POPDC3: variants seen among roughly 807,000 people sequenced by gnomAD.
POPDC3 encodes the protein popeye domain cAMP effector 3, also known as popeye domain-containing protein 3.
In POPDC3, 20 loss-of-function variants were observed where a neutral mutation model predicts 28.2. The observed-to-expected ratio is 0.71, with a 90% CI of 0.50 to 1.03. The LOEUF is 1.03. Among genes scored for constraint, POPDC3 ranks in the 50% least tolerant of loss-of-function variants. The pLI is 0.00. For missense variants in POPDC3, 316 were observed against 345.9 expected, an observed-to-expected ratio of 0.91 and a Z score of 0.69; for synonymous variants, 118 against 124.1, an observed-to-expected ratio of 0.95 and a Z score of 0.33.
At chr6:105,175,990 C>T (rs1774676569) in intron 1 of POPDC3, among the ~76,000 whole-genome samples, 1 of 152,150 alleles carries the variant, frequency 6.6e-6, no homozygotes, top group South Asian at 2.1e-4. Flanking sequence ...ATCTTGATCT[C>T]AAGATGTATT....
intron 1 of POPDC3, among the ~76,000 whole-genome samples, chr6:105,164,167 T>C (rs1254816945): frequency 1.3e-5 from 2 of 152,214 alleles, no homozygotes; most frequent in Non-Finnish European, 2.9e-5. Flanking sequence ...AAAGATTTGC[T>C]AGTGGAGCTC....
At chr6:105,163,137 A>G (rs914145652) in intron 1 of POPDC3, among the ~76,000 whole-genome samples, 1 of 152,248 alleles carries the variant, frequency 6.6e-6, no homozygotes, top group African/African-American at 2.4e-5. Flanking sequence ...GACTATGGAA[A>G]TATTTAATAA....
intron 1 of POPDC3, among the ~76,000 whole-genome samples, chr6:105,176,173 A>C: frequency 6.6e-6 from 1 of 152,254 alleles, no homozygotes; most frequent in East Asian, 1.9e-4. Context: ...ACTTTAGATA[A>C]ATTCAATTTA....
At chr6:105,176,481 G>C (rs1355055147) in intron 1 of POPDC3, among the ~76,000 whole-genome samples, 2 of 152,220 alleles carry the variant, frequency 1.3e-5, no homozygotes, top group Non-Finnish European at 2.9e-5. Flanking sequence ...AAAGTAGGGA[G>C]AAAGACTCAG....
In POPDC3 at chr6:105,159,698, TG is replaced by T; in HGVS notation, c.594+12del. On this transcript the variant is annotated intron_variant, in intron 3 of 3. Transcript: ENST00000254765. ...AAGAGGGAGTGCTAACTGTGTGTTCTGGTATCCCTTACCTGAAAAATGCCTT... is the reference window on the plus strand; with the variant it reads ...AAGAGGGAGTGCTAACTGTGTGTTCTGTATCCCTTACCTGAAAAATGCCTT... The T allele has an allele frequency of 6.9e-7, 1 of 1,457,170 alleles. No homozygotes were observed. Among genetic ancestry groups the T allele is most frequent in the Non-Finnish European group, 9.6e-7 (1 of 1,037,522 alleles). 90.3% of individuals were successfully genotyped at this position (1,457,170 alleles called of 1,614,324 possible).
In POPDC3 at chr6:105,176,564, G is replaced by T. The variant is rs78619646; in HGVS notation, c.-252+3269C>A. On this transcript the variant is annotated intron_variant, in intron 1 of 3. Coordinates refer to ENST00000254765, the MANE Select transcript of POPDC3 (RefSeq NM_022361.5). ...TTTCTTTTTAATCTTTTGACATATC[G>T]TTTTTTTTTTAAGACAGAGTCTTGC... Among the ~76,000 whole-genome samples the T allele has an allele frequency of 1.8e-3, 34 of 19,346 alleles. No homozygotes were observed. In the South Asian group the frequency reaches 0.018, roughly 10 times the overall value. 12.7% of individuals were successfully genotyped at this position (19,346 alleles called of 152,430 possible). A position where few individuals can be genotyped will look rare whatever the true frequency, so the allele number is the denominator to read the frequency against.
At chr6:105,166,188 T>C (rs1318896033) in intron 1 of POPDC3, among the ~76,000 whole-genome samples, 2 of 152,162 alleles carry the variant, frequency 1.3e-5, no homozygotes, top group South Asian at 2.1e-4. Context: ...TTGGACAACA[T>C]CATAAGAGCT....
intron 1 of POPDC3, among the ~76,000 whole-genome samples, chr6:105,163,001 C>T (rs1774377541): frequency 6.6e-6 from 1 of 152,164 alleles, no homozygotes; most frequent in Admixed American, 6.5e-5. Flanking sequence ...GGCGCTCATG[C>T]CCATATGCTG....
intron 1 of POPDC3, chr6:105,178,778 T>C (rs1331737849): frequency 1.0e-6 from 1 of 985,036 alleles, no homozygotes; most frequent in Non-Finnish European, 1.2e-6. Flanking sequence ...GTTATTGTAC[T>C]CTCACAAGAG....
intron 1 of POPDC3, among the ~76,000 whole-genome samples, chr6:105,164,266 C>A (rs769337429): frequency 1.3e-5 from 2 of 152,126 alleles, no homozygotes; most frequent in Admixed American, 1.3e-4. Flanking sequence ...GTAAAACGTT[C>A]GTGGCAATTC....
intron 1 of POPDC3, chr6:105,178,637 T>G: frequency 7.7e-6 from 5 of 651,806 alleles, no homozygotes; most frequent in Non-Finnish European, 9.5e-6. Context: ...ACCTCAGAGA[T>G]ATCTGGAATC....
In POPDC3 at chr6:105,159,799, C is replaced by T. The variant is rs140237567; in HGVS notation, c.506G>A (p.Gly169Asp). ...VSGRIRVTVD[G>D]EFLHYIFPLQ... ...GGGGAAAATGTAATGCAGAAATTCG[C>T]CATCAACTGTCACTCTGATCCTATC... The change falls in exon 3 of 4, where the codon GGC (glycine) becomes GAC (aspartate). Residue 169 changes from glycine (G) to aspartate (D), a missense_variant. Coordinates refer to ENST00000254765, the MANE Select transcript of POPDC3 (RefSeq NM_022361.5). 1 of 1,612,526 alleles carries T rather than the reference C, an allele frequency of 6.2e-7. No homozygotes were observed. Among genetic ancestry groups the T allele is most frequent in the East Asian group, 2.2e-5 (1 of 44,818 alleles).
At position 105,158,397 on chromosome 6, in the gene POPDC3, GTATTT is replaced by G; in HGVS notation, c.*68_*72del. On this transcript the variant is annotated 3_prime_UTR_variant, in exon 4 of 4. Transcript: ENST00000254765. ...AAAAACATTAGGGAGCTCTTTTTTTGTATTTTGCTATTTCACTGGGGAATGATGAA... is the reference window on the plus strand; with the variant it reads ...AAAAACATTAGGGAGCTCTTTTTTTGTGCTATTTCACTGGGGAATGATGAA... The G allele has an allele frequency of 7.7e-7, 1 of 1,301,640 alleles. No individual in the cohort carries two copies. The allele number at this position is 1,301,640 out of a possible 1,614,324, so 80.6% of individuals were successfully genotyped here.
intron 1 of POPDC3, chr6:105,179,278 C>G (rs1232430728): frequency 2.0e-6 from 2 of 984,342 alleles, no homozygotes; most frequent in African/African-American, 3.5e-5. Context: ...TTTTGTACCC[C>G]CAACTCTGTG....
chr6:105,172,927 C>T (rs373851756), intron 1 of POPDC3, among the ~76,000 whole-genome samples: 9 of 151,530 alleles, frequency 5.9e-5, no homozygotes, highest in African/African-American at 1.9e-4. Context: ...AGGAGATATA[C>T]GTAGTGCTAA....
Position 105,162,003 on chromosome 6 carries a change from T to C in POPDC3, c.-94A>G. The C allele has an allele frequency of 5.3e-6, 8 of 1,514,450 alleles. No homozygotes were observed. The highest frequency in any genetic ancestry group is 7.0e-6 in the Non-Finnish European group (8 of 1,138,070). 93.8% of individuals were successfully genotyped at this position (1,514,450 alleles called of 1,614,324 possible). A position where few individuals can be genotyped will look rare whatever the true frequency, so the allele number is the denominator to read the frequency against. On this transcript the variant is annotated 5_prime_UTR_variant, in exon 2 of 4. Transcript: ENST00000254765. ...TTGGTTCTCCATCATGAGAGTTTTG[T>C]GCAGTCTTCACAAAACCAGAGAAAA...
At chr6:105,175,205 C>T (rs945818222) in intron 1 of POPDC3, among the ~76,000 whole-genome samples, 17 of 151,772 alleles carry the variant, frequency 1.1e-4, no homozygotes, top group Non-Finnish European at 2.2e-4. Flanking sequence ...GTTTACAAAA[C>T]ACAATGCAAA....
At chr6:105,165,498 G>T (rs1337848665) in intron 1 of POPDC3, among the ~76,000 whole-genome samples, 1 of 152,202 alleles carries the variant, frequency 6.6e-6, no homozygotes, top group Non-Finnish European at 1.5e-5. Context: ...TGGTACAGAA[G>T]TGCAAGCACT....
At chr6:105,177,463 C>T (rs967318762) in intron 1 of POPDC3, among the ~76,000 whole-genome samples, 2 of 152,106 alleles carry the variant, frequency 1.3e-5, no homozygotes, top group Admixed American at 6.5e-5. Context: ...TTTTGCCACA[C>T]AGAATTTTGA....
Sources: allele counts gnomAD v4.1 joint callset (sites outside exome capture counted in the v4.1 genomes callset), GRCh38; gene constraint gnomAD v4.1.1; transcripts MANE v1.5; gene names NCBI Gene and HGNC (gene_info 2026-07-23, HGNC 2026-07-21).